Variants in PXN observed in about 807,000 individuals in gnomAD.
The protein encoded by PXN is paxillin, also known as testicular tissue protein Li 134.
Under a neutral mutation model 103.6 loss-of-function variants are expected in PXN, and 61 were observed. The observed-to-expected ratio is 0.59, with a 90% CI of 0.48 to 0.73. PXN has a LOEUF of 0.73. PXN is among the 30% of genes least tolerant of loss of function. The pLI is 0.00. For missense variants in PXN, 1,274 were observed against 1,460.3 expected, an observed-to-expected ratio of 0.87 and a Z score of 2.08; for synonymous variants, 562 against 607.8, an observed-to-expected ratio of 0.92 and a Z score of 1.11.
At chr12:120,250,060 A>T in intron 1 of PXN, 1 of 985,554 alleles carries the variant, frequency 1.0e-6, no homozygotes. Flanking sequence ...CCACTCCTCC[A>T]CACCCACCCC....
In PXN at chr12:120,238,137, GA is replaced by G. The variant is rs1411824344; in HGVS notation, c.14-13761del. On this transcript the variant is annotated intron_variant, in intron 1 of 14. Transcript: ENST00000637617. ...AGAGTCACGCTGGGAAACCACAATA[GA>G]AAAAAAGGAGAGAAGATATTTTCCT... Among the ~76,000 whole-genome samples the G allele has an allele frequency of 3.9e-5, 6 of 151,946 alleles. No homozygotes were observed. In the East Asian group the frequency reaches 1.2e-3, roughly 29 times the overall value.
rs1006343103 is a variant in PXN at position 120,214,542 on chromosome 12, C to T, written c.2748+283G>A. Among the ~76,000 whole-genome samples, 23 of 152,182 alleles carry T rather than the reference C, an allele frequency of 1.5e-4. No individual in the cohort carries two copies. The highest frequency in any genetic ancestry group is 5.3e-4 in the African/African-American group (22 of 41,436). ...AGTTCACAGAGAGGGAGAGTGAGGCCGCTGGCATCCAACTCCATTTATCTC... is the reference window on the plus strand; with the variant it reads ...AGTTCACAGAGAGGGAGAGTGAGGCTGCTGGCATCCAACTCCATTTATCTC... On this transcript the variant is annotated intron_variant, in intron 12 of 14. Transcript: ENST00000637617. The surrounding 1 kb of genome is among the most constrained non-coding windows in gnomAD (Gnocchi z 5.0).
Position 120,213,753 on chromosome 12 carries a change from G to C in PXN, c.2979+89C>G, listed in dbSNP as rs890188773. ...ATTAATAACCCCAAATGAGGCCTCT[G>C]AGTTGGATCCAGACAGCACAATGAG... On this transcript the variant is annotated intron_variant, in intron 14 of 14. Transcript: ENST00000637617. The surrounding 1 kb of genome is among the most constrained non-coding windows in gnomAD (Gnocchi z 4.2). 3 of 1,500,422 alleles carry C rather than the reference G, an allele frequency of 2.0e-6. No homozygotes were observed. Among genetic ancestry groups the C allele is most frequent in the Middle Eastern group, 2.2e-4 (1 of 4,640 alleles). The allele number at this position is 1,500,422 out of a possible 1,614,324, so 92.9% of individuals were successfully genotyped here.
rs1886160756 is a variant in PXN, at chr12:120,224,288, T to C, written c.103A>G (p.Thr35Ala). Reference protein sequence around the residue: ...LSEETPYSYPTGNHTYQEIAV... With the variant: ...LSEETPYSYPAGNHTYQEIAV... Reference sequence around the variant, plus strand: ...ATCTCCTGGTATGTGTGGTTTCCAGTTGGGTATGAGTAGGGGGTCTCCTCC... The same window carrying C: ...ATCTCCTGGTATGTGTGGTTTCCAGCTGGGTATGAGTAGGGGGTCTCCTCC... Residue 35 changes from threonine to alanine, a missense_variant, in exon 2 of 15, where the codon ACT becomes GCT. This residue lies in a region of PXN where 1,178 missense variants were observed against 1,309.0 expected (regional missense o/e 0.90). Coordinates refer to ENST00000637617, the MANE Select transcript of PXN (RefSeq NM_001385981.1). The surrounding 1 kb of genome is among the most constrained non-coding windows in gnomAD (Gnocchi z 5.0). The C allele has an allele frequency of 1.2e-6, 2 of 1,613,634 alleles. No homozygotes were observed. The highest frequency in any genetic ancestry group is 1.7e-6 in the Non-Finnish European group (2 of 1,179,736).
intron 1 of PXN, among the ~76,000 whole-genome samples, chr12:120,260,905 T>C (rs1398959152): frequency 1.3e-5 from 2 of 152,176 alleles, no homozygotes; most frequent in African/African-American, 4.8e-5. Flanking sequence ...AGGCAGAGGC[T>C]GCAGACCCTG....
Position 120,222,495 on chromosome 12 carries a change from G to A in PXN, c.695+54C>T, listed in dbSNP as rs554539010. The A allele has an allele frequency of 6.7e-5, 102 of 1,513,872 alleles. No homozygotes were observed. Among genetic ancestry groups the A allele is most frequent in the South Asian group, 4.2e-4 (34 of 80,878 alleles). 93.8% of individuals were successfully genotyped at this position (1,513,872 alleles called of 1,614,324 possible). A position where few individuals can be genotyped will look rare whatever the true frequency, so the allele number is the denominator to read the frequency against. On this transcript the variant is annotated intron_variant, in intron 5 of 14. Transcript: ENST00000637617. This position sits in a 1 kb window ranked among gnomAD's most constrained non-coding sequence, Gnocchi z 4.7. ...GGCTAAGGGGACAGACACTGGACCC[G>A]GGGCAGGCTGGGCCAGCCCTTCCCC... is the stretch of plus-strand genomic sequence containing the variant.
rs1454900219 is a variant in PXN at position 120,212,547 on chromosome 12, A to G, written c.3013T>C (p.Phe1005Leu). 1 of 1,613,278 alleles carries G rather than the reference A, an allele frequency of 6.2e-7. No homozygotes were observed. Among genetic ancestry groups the G allele is most frequent in the Non-Finnish European group, 8.5e-7 (1 of 1,179,580 alleles). The part of the protein sequence containing the change: ...CFTPFVNGSF[F>L]EHDGQPYCEV... The stretch of plus-strand genomic sequence containing the variant: ...CAGTAGGGCTGCCCGTCGTGCTCGA[A>G]GAAGCTGCCGTTCACGAATGGCGTG... The change falls in exon 15 of 15, where the codon TTC (phenylalanine) becomes CTC (leucine). Residue 1005 changes from phenylalanine to leucine, a missense_variant. Phe to Leu is a conservative substitution (Grantham distance 22, BLOSUM62 0). Around this residue, in one of 2 missense-constraint regions of PXN, gnomAD observed 96 missense variants for 151.3 expected, o/e 0.63. Coordinates refer to ENST00000637617, the MANE Select transcript of PXN (RefSeq NM_001385981.1). This position sits in a 1 kb window ranked among gnomAD's most constrained non-coding sequence, Gnocchi z 7.2.
Position 120,214,021 on chromosome 12 carries a change from C to T in PXN, c.2831-31G>A, listed in dbSNP as rs980244760. ...GAGCGGGGGTTTTGGAGGCACAGTT[C>T]ATTCCGGCTTCCAGAAGTGGAGCCA... On this transcript the variant is annotated intron_variant, in intron 13 of 14. Transcript: ENST00000637617. The surrounding 1 kb of genome is among the most constrained non-coding windows in gnomAD (Gnocchi z 5.0). 3.7e-6 allele frequency: 6 copies of T among 1,606,498 alleles called. No homozygotes were observed. The highest frequency in any genetic ancestry group is 5.1e-6 in the Non-Finnish European group (6 of 1,177,084).
intron 1 of PXN, chr12:120,226,448 A>G: frequency 7.8e-7 from 1 of 1,288,726 alleles, no homozygotes; most frequent in Non-Finnish European, 1.0e-6. Context: ...GGCTGGATGA[A>G]GTGACAATGC....
chr12:120,215,778 A>G lies in PXN; in HGVS notation c.2302-117T>C. The G allele has an allele frequency of 7.8e-7, 1 of 1,276,576 alleles. No individual in the cohort carries two copies. The highest frequency in any genetic ancestry group is 1.0e-6 in the Non-Finnish European group (1 of 971,352). 79.1% of individuals were successfully genotyped at this position (1,276,576 alleles called of 1,614,324 possible). ...GATGAGATCTGAGGGTTTCTCCCCC[A>G]CCGGCAGGACCAAAATTGGGGGAAA... On this transcript the variant is annotated intron_variant, in intron 9 of 14. Transcript: ENST00000637617. This position sits in a 1 kb window ranked among gnomAD's most constrained non-coding sequence, Gnocchi z 4.9.
rs1882843689 is a variant in PXN, at chr12:120,216,021, T to C, written c.2301+252A>G. On this transcript the variant is annotated intron_variant, in intron 9 of 14. Transcript: ENST00000637617. This position sits in a 1 kb window ranked among gnomAD's most constrained non-coding sequence, Gnocchi z 5.1. ...TTTCCTCGATGGGAGCCCGGGGCAG[T>C]ACTGAGGACCAGTCGAGGAAGGAGC... 7.5e-7 allele frequency: 1 copy of C among 1,341,926 alleles called. No homozygotes were observed. The highest frequency in any genetic ancestry group is 3.3e-5 in the Admixed American group (1 of 30,552). 83.1% of individuals were successfully genotyped at this position (1,341,926 alleles called of 1,614,324 possible). A position where few individuals can be genotyped will look rare whatever the true frequency, so the allele number is the denominator to read the frequency against.
Position 120,224,545 on chromosome 12 carries a change from T to C in PXN, c.14-168A>G. 1.4e-6 allele frequency: 1 copy of C among 723,626 alleles called. No individual in the cohort carries two copies. Among genetic ancestry groups the C allele is most frequent in the Non-Finnish European group, 2.5e-6 (1 of 398,154 alleles). The allele number at this position is 723,626 out of a possible 1,614,324, so 44.8% of individuals were successfully genotyped here. A position where few individuals can be genotyped will look rare whatever the true frequency, so the allele number is the denominator to read the frequency against. On this transcript the variant is annotated intron_variant, in intron 1 of 14. Transcript: ENST00000637617. The surrounding 1 kb of genome is among the most constrained non-coding windows in gnomAD (Gnocchi z 5.0). The stretch of plus-strand genomic sequence containing the variant: ...AGGAAGCCACCAGCCCCGACCAGCC[T>C]AACCAAGAGCCGGCTCCCAAAGCTA...
At chr12:120,234,995 G>A (rs993213736) in intron 1 of PXN, among the ~76,000 whole-genome samples, 2 of 152,024 alleles carry the variant, frequency 1.3e-5, no homozygotes, top group African/African-American at 4.8e-5. Flanking sequence ...TTTGTGTCTC[G>A]GGTTCATTCC....
chr12:120,250,741 C>T (rs569794447), intron 1 of PXN, among the ~76,000 whole-genome samples: 11 of 152,280 alleles, frequency 7.2e-5, no homozygotes, highest in African/African-American at 2.6e-4. Context: ...TCCAAACATT[C>T]TCCAACCCAT....
chr12:120,225,465 G>C lies in PXN; in HGVS notation c.14-1088C>G, dbSNP rs1280331636. On this transcript the variant is annotated intron_variant, in intron 1 of 14. Transcript: ENST00000637617. The surrounding 1 kb of genome is among the most constrained non-coding windows in gnomAD (Gnocchi z 4.4). ...CTTATCAGTAGCAGGCAGACTGCTA[G>C]GCATTCTAGCAGCATGTACGAGGTC... 6.6e-6 allele frequency: 1 copy of C among 152,312 alleles called. No homozygotes were observed. Among genetic ancestry groups the C allele is most frequent in the Non-Finnish European group, 1.5e-5 (1 of 68,142 alleles). 9.4% of individuals were successfully genotyped at this position (152,312 alleles called of 1,614,324 possible). A position where few individuals can be genotyped will look rare whatever the true frequency, so the allele number is the denominator to read the frequency against.
rs751992516 is a variant in PXN, at chr12:120,216,940, C to T, written c.1893G>A (p.Ala631=). Residue 631 remains alanine (A), a synonymous_variant, in exon 8 of 15, where the codon GCG becomes GCA. Coordinates refer to ENST00000637617, the MANE Select transcript of PXN (RefSeq NM_001385981.1). The surrounding 1 kb of genome is among the most constrained non-coding windows in gnomAD (Gnocchi z 5.1). ...CCTGGGCAGAGGGCCCCGCCGCCTC[C>T]GCCGGCTCCTCTGCCTCAGGCTGGA... ...LGIQPEAEEP[A]EAAGPSAQDW... The T allele has an allele frequency of 2.4e-5, 37 of 1,532,298 alleles. No homozygotes were observed. The highest frequency in any genetic ancestry group is 2.0e-4 in the Admixed American group (10 of 50,840). The allele number at this position is 1,532,298 out of a possible 1,614,324, so 94.9% of individuals were successfully genotyped here.
At chr12:120,252,698 A>G (rs771646885) in intron 1 of PXN, among the ~76,000 whole-genome samples, 1 of 152,140 alleles carries the variant, frequency 6.6e-6, no homozygotes. Context: ...GTGAGACCCA[A>G]TGTAGGCAAC....
At position 120,222,528 on chromosome 12, in the gene PXN, G is replaced by A. The variant is rs981414963; in HGVS notation, c.695+21C>T. ...CTGGGCCAGCCCTTCCCCACCTGGG[G>A]AGGGCCCAGTGGGTACTCACACGGG... On this transcript the variant is annotated intron_variant, in intron 5 of 14. Transcript: ENST00000637617. This position sits in a 1 kb window ranked among gnomAD's most constrained non-coding sequence, Gnocchi z 4.7. The A allele has an allele frequency of 1.9e-6, 3 of 1,573,732 alleles. No homozygotes were observed. Among genetic ancestry groups the A allele is most frequent in the African/African-American group, 2.7e-5 (2 of 73,956 alleles).
rs375365730 is a variant in PXN at position 120,213,843 on chromosome 12, C to A, written c.2978G>T (p.Arg993Leu). 1 of 1,609,804 alleles carries A rather than the reference C, an allele frequency of 6.2e-7. No homozygotes were observed. Among genetic ancestry groups the A allele is most frequent in the Admixed American group, 1.7e-5 (1 of 59,436 alleles). The change falls in exon 14 of 15, where the codon CGG (arginine) becomes CTG (leucine). Residue 993 changes from arginine (R) to leucine (L), a missense_variant and splice_region_variant. By Grantham distance (102) the Arg-to-Leu change is moderately radical. This residue lies in a region of PXN where 96 missense variants were observed against 151.3 expected (regional missense o/e 0.63). Coordinates refer to ENST00000637617, the MANE Select transcript of PXN (RefSeq NM_001385981.1). This position sits in a 1 kb window ranked among gnomAD's most constrained non-coding sequence, Gnocchi z 4.2. ...CAGATGTGGTCAGGGGCTCCTTACC[C>A]GGCACACAAAGCACTCAGGATGCCA... The part of the protein sequence containing the change: ...TLWHPECFVC[R>L]ECFTPFVNGS...
Sources: gnomAD v4.1 joint callset for allele counts (sites outside exome capture counted in the v4.1 genomes callset) on GRCh38, gnomAD v4.1.1 for gene constraint, gnomAD v4.1.1 regional missense constraint, Gnocchi (gnomAD v3.1) non-coding constraint, MANE v1.5 for transcripts, NCBI Gene and HGNC (gene_info 2026-07-23, HGNC 2026-07-21) for gene names.